The following ZMYM3 variants were observed in gnomAD, a reference collection of about 807,000 sequenced individuals.
The protein encoded by ZMYM3 is zinc finger MYM-type containing 3.
ZMYM3 carries 6 observed loss-of-function variants against 94.2 expected under a neutral mutation model. The observed-to-expected ratio is 0.06, with a 90% CI of 0.03 to 0.13. The LOEUF (loss-of-function observed/expected upper bound fraction) is 0.13, where lower values mean the gene tolerates loss of function less well. ZMYM3 is among the 10% of genes least tolerant of loss of function. The pLI is 1.00. For synonymous variants in ZMYM3, 420 were observed against 426.5 expected, an observed-to-expected ratio of 0.98 and a Z score of 0.19; for missense variants, 664 against 1,132.6, an observed-to-expected ratio of 0.59 and a Z score of 5.94.
rs747279086 is a variant in ZMYM3 at position 71,249,500 on chromosome X, C to T, written c.1431G>A (p.Lys477=). Residue 477 remains lysine (K), a synonymous_variant, in exon 7 of 25, where the codon AAG becomes AAA. Coordinates refer to ENST00000314425, the MANE Select transcript of ZMYM3 (RefSeq NM_201599.3). ...PELLFHEGQQ[K]RFCNTTCLGA... ...CCAAGCAGGTTGTGTTGCAGAACCGCTTTTGTTGGCCCTCGTGGAAGAGGA... is the reference window on the plus strand; with the variant it reads ...CCAAGCAGGTTGTGTTGCAGAACCGTTTTTGTTGGCCCTCGTGGAAGAGGA... 1.1e-4 allele frequency: 126 copies of T among 1,199,463 alleles called. No individual in the cohort carries two copies. The highest frequency in any genetic ancestry group is 2.0e-4 in the Admixed American group (9 of 44,432).
At chrX:71,244,167 C>T (rs1040036211) in intron 20 of ZMYM3, 135 bp downstream of exon 20, 2 of 993,080 alleles carry the variant, frequency 2.0e-6, no homozygotes, top group East Asian at 3.3e-5. Context: ...CCCATCTTCA[C>T]AGGGCATCCT....
chrX:71,253,125 C>A lies in ZMYM3; in HGVS notation c.131G>T (p.Gly44Val), dbSNP rs912111538. 2 of 1,205,518 alleles carry A rather than the reference C, an allele frequency of 1.7e-6. No individual in the cohort carries two copies. Among genetic ancestry groups the A allele is most frequent in the Non-Finnish European group, 2.2e-6 (2 of 892,194 alleles). The change falls in exon 2 of 25, where the codon GGA (glycine) becomes GTA (valine). Residue 44 changes from glycine (G) to valine (V), a missense_variant. By Grantham distance (109) the Gly-to-Val change is moderately radical. Around this residue, in one of 9 missense-constraint regions of ZMYM3, gnomAD observed 196 missense variants for 190.8 expected, o/e 1.03. Transcript: ENST00000314425. ...LLESQTAPTR[G>V]WAPPGPSPSS... ...TGGAGAAGGGCCAGGGGGGGCCCAT[C>A]CTCGAGTTGGGGCAGTCTGGGATTC...
rs1381186376 is a variant in ZMYM3 at position 71,242,222 on chromosome X, G to A, written c.3750C>T (p.Thr1250=). 8.3e-7 allele frequency: 1 copy of A among 1,202,146 alleles called. No homozygotes were observed. The highest frequency in any genetic ancestry group is 1.1e-6 in the Non-Finnish European group (1 of 890,764). Reference sequence around the variant, plus strand: ...CATAGTAGCGGATGCTCACCACCTTGGTGGTGCCCCGAGGGGTGGTACACT... The same window carrying A: ...CATAGTAGCGGATGCTCACCACCTTAGTGGTGCCCCGAGGGGTGGTACACT... The part of the protein sequence containing the change: ...SRKCTTPRGT[T]KVVSIRYYAP... The change falls in exon 23 of 25, where the codon ACC becomes ACT. Residue 1250 remains threonine (T), a synonymous_variant. Coordinates refer to ENST00000314425, the MANE Select transcript of ZMYM3 (RefSeq NM_201599.3).
intron 22 of ZMYM3, 78 bp from the exon 23 acceptor site, chrX:71,242,502 T>A (rs1240250841): frequency 6.2e-6 from 7 of 1,131,117 alleles, no homozygotes; most frequent in African/African-American, 1.8e-5. Flanking sequence ...CCATGTGCCC[T>A]GCTCATTTCC....
chrX:71,242,421 G>A lies in ZMYM3; in HGVS notation c.3551C>T (p.Thr1184Met), dbSNP rs1351229784. Residue 1184 changes from threonine to methionine, a missense_variant, in exon 23 of 25, where the codon ACG (threonine) becomes ATG (methionine). By Grantham distance (81) the Thr-to-Met change is moderately conservative (BLOSUM62 -1). Transcript: ENST00000314425. ...CTCCTCCTCCACTCGAGAGAACACC[G>A]TATCTACAATGGTCAAGGGGGAGAG... ...TWQPTLLPNNTVFSRVEEEHL... is the reference protein window; with the variant it reads ...TWQPTLLPNNMVFSRVEEEHL... 7 of 1,208,703 alleles carry A rather than the reference G, an allele frequency of 5.8e-6. No homozygotes were observed. Among genetic ancestry groups the A allele is most frequent in the East Asian group, 3.0e-5 (1 of 33,724 alleles).
Position 71,245,498 on chromosome X carries a change from G to A in ZMYM3, c.2861-13C>T. ...TTGCTCACAAGATCTGGGAAGCAGA[G>A]AAGTTGGCTCAGTGGTTACAAGCTC... On this transcript the variant is annotated splice_polypyrimidine_tract_variant and intron_variant, in intron 17 of 24. Transcript: ENST00000314425. The A allele has an allele frequency of 8.3e-7, 1 of 1,199,582 alleles. No individual in the cohort carries two copies. The highest frequency in any genetic ancestry group is 1.1e-6 in the Non-Finnish European group (1 of 889,296).
In ZMYM3 at chrX:71,243,969, G is replaced by A. The variant is rs762518278; in HGVS notation, c.3292C>T (p.Arg1098Cys). The stretch of plus-strand genomic sequence containing the variant: ...CAGGCGAGAATATCCTCTTTGATAC[G>A]CATGGGTTTGGCTGCAGTGATATGT... ...DELRFGPKPM[R>C]IKEDILACSA... Residue 1098 changes from arginine to cysteine, a missense_variant, in exon 21 of 25, where the codon CGT becomes TGT. By Grantham distance (180) the Arg-to-Cys change is radical (BLOSUM62 -3). Coordinates refer to ENST00000314425, the MANE Select transcript of ZMYM3 (RefSeq NM_201599.3). The A allele has an allele frequency of 3.3e-6, 4 of 1,211,301 alleles. No homozygotes were observed. The highest frequency in any genetic ancestry group is 3.4e-6 in the Non-Finnish European group (3 of 895,388).
At position 71,240,156 on chromosome X, in the gene ZMYM3, C is replaced by T. The variant is rs1455006259; in HGVS notation, c.*760G>A. ...TGTTGACACCATGGCTCATGGCAAC[C>T]TAAGATGGCAGAGAGACAAACACAG... is the stretch of plus-strand genomic sequence containing the variant. On this transcript the variant is annotated 3_prime_UTR_variant, in exon 25 of 25. Transcript: ENST00000314425. 1 of 111,999 alleles carries T rather than the reference C, an allele frequency of 8.9e-6. No homozygotes were observed. Among genetic ancestry groups the T allele is most frequent in the Non-Finnish European group, 1.9e-5 (1 of 53,161 alleles). The allele number at this position is 111,999 out of a possible 1,213,427, so 9.2% of individuals were successfully genotyped here.
intron 4 of ZMYM3, among the ~76,000 whole-genome samples, 168 bp downstream of exon 4, chrX:71,251,010 C>A (rs974858325): frequency 9.0e-6 from 1 of 111,105 alleles, no homozygotes; most frequent in African/African-American, 3.3e-5. Flanking sequence ...TTTTCAATTT[C>A]CCCCACTGCC....
intron 20 of ZMYM3, 127 bp from the exon 21 acceptor site, chrX:71,244,107 G>A: frequency 2.0e-6 from 2 of 992,501 alleles, no homozygotes; most frequent in Non-Finnish European, 2.7e-6. Context: ...TACAGAAAGA[G>A]CCCCTAACCT....
chrX:71,251,821 T>C lies in ZMYM3; in HGVS notation c.668-220A>G, dbSNP rs1198477348. The stretch of plus-strand genomic sequence containing the variant: ...GCTATTCCATGAAAAAAAAAAAATC[T>C]ATCCTTCCCACCAGCTTTCTGTCCC... On this transcript the variant is annotated intron_variant, in intron 2 of 24. Transcript: ENST00000314425. The C allele has an allele frequency of 4.0e-6, 3 of 744,265 alleles. No individual in the cohort carries two copies. In the African/African-American group the frequency reaches 7.0e-5, roughly 17 times the overall value. 61.3% of individuals were successfully genotyped at this position (744,265 alleles called of 1,213,427 possible).
intron 5 of ZMYM3, 107 bp downstream of exon 5, chrX:71,250,323 ACT>A: frequency 1.8e-6 from 2 of 1,085,204 alleles, no homozygotes; most frequent in South Asian, 4.6e-5. Flanking sequence ...TCCCTACATC[ACT>A]CTCTCGCCCA....
At chrX:71,249,421 C>T (rs377126594) in intron 7 of ZMYM3, 40 bp downstream of exon 7, 3 of 1,167,650 alleles carry the variant, frequency 2.6e-6, no homozygotes, top group South Asian at 3.8e-5. Flanking sequence ...AACCACACCC[C>T]CTTCCACAGC....
At chrX:71,252,025 G>T in intron 2 of ZMYM3, 1 of 204,661 alleles carries the variant, frequency 4.9e-6, no homozygotes, top group Non-Finnish European at 7.3e-6. Context: ...GTCACAGCCT[G>T]ATAGAGGCAC....
chrX:71,244,439 C>T lies in ZMYM3; in HGVS notation c.3143G>A (p.Cys1048Tyr). 16 of 1,211,558 alleles carry T rather than the reference C, an allele frequency of 1.3e-5. No homozygotes were observed. The highest frequency in any genetic ancestry group is 1.8e-5 in the Non-Finnish European group (16 of 895,407). The change falls in exon 20 of 25, where the codon TGC (cysteine) becomes TAC (tyrosine). Residue 1048 changes from cysteine to tyrosine, a missense_variant. By Grantham distance (194) the Cys-to-Tyr change is radical (BLOSUM62 -2). This residue lies in a region of ZMYM3 where 75 missense variants were observed against 152.5 expected (regional missense o/e 0.49). Transcript: ENST00000314425. Reference protein sequence around the residue: ...GQKRLVLSESCSRDSMSSQPS... With the variant: ...GQKRLVLSESYSRDSMSSQPS... ...CTGACTGCTCATGGAGTCCCGGGAG[C>T]AGCTTTCGGAAAGCACCAGCCGCTT... is the stretch of plus-strand genomic sequence containing the variant.
intron 9 of ZMYM3, 42 bp from the exon 10 acceptor site, chrX:71,248,566 G>A (rs2030293431): frequency 8.5e-7 from 1 of 1,179,816 alleles, no homozygotes; most frequent in Non-Finnish European, 1.1e-6. Context: ...CAAGATGTGT[G>A]CAGCGGTGGG....
rs1392530871 is a variant in ZMYM3, at chrX:71,243,632, T to C, written c.3432+197A>G. ...GCTTTTTTTTTTCATTAAAAAAATATTTTTTGGGTAGATGGGTATCACTTT... is the reference window on the plus strand; with the variant it reads ...GCTTTTTTTTTTCATTAAAAAAATACTTTTTGGGTAGATGGGTATCACTTT... On this transcript the variant is annotated intron_variant, in intron 21 of 24. Coordinates refer to ENST00000314425, the MANE Select transcript of ZMYM3 (RefSeq NM_201599.3). The C allele has an allele frequency of 3.2e-5, 13 of 411,351 alleles. No homozygotes were observed. In the Admixed American group the frequency reaches 6.0e-4, roughly 19 times the overall value. The allele number at this position is 411,351 out of a possible 1,213,427, so 33.9% of individuals were successfully genotyped here. A position where few individuals can be genotyped will look rare whatever the true frequency, so the allele number is the denominator to read the frequency against.
intron 4 of ZMYM3, 32 bp from the exon 5 acceptor site, chrX:71,250,758 G>A: frequency 1.7e-6 from 2 of 1,147,703 alleles, no homozygotes; most frequent in Middle Eastern, 2.4e-4. Flanking sequence ...CATGAGAAAG[G>A]CCACCAAACC....
intron 1 of ZMYM3, 105 bp from the exon 2 acceptor site, chrX:71,253,379 G>C (rs771787830): frequency 1.6e-6 from 1 of 643,933 alleles, no homozygotes; most frequent in East Asian, 3.9e-5. Context: ...GATTTCTCAT[G>C]AGCAGCCCCC....
Sources: gnomAD v4.1 joint callset for allele counts (sites outside exome capture counted in the v4.1 genomes callset) on GRCh38, gnomAD v4.1.1 for gene constraint, gnomAD v4.1.1 regional missense constraint, MANE v1.5 for transcripts, NCBI Gene and HGNC (gene_info 2026-07-23, HGNC 2026-07-21) for gene names.